The following TNKS1BP1 variants were observed in gnomAD, a reference collection of about 807,000 sequenced individuals.
The protein encoded by TNKS1BP1 is CCR4-NOT transcription complex subunit 12.
A neutral mutation model predicts 141.1 loss-of-function variants in TNKS1BP1; 48 were observed. The observed-to-expected ratio is 0.34, with a 90% confidence interval of 0.27 to 0.43. The LOEUF is 0.43. Among genes scored for constraint, TNKS1BP1 ranks in the 20% least tolerant of loss-of-function variants. The pLI is 1.00. For missense variants in TNKS1BP1, 2,149 were observed against 2,226.0 expected, an observed-to-expected ratio of 0.97 and a Z score of 0.70; for synonymous variants, 875 against 898.2, an observed-to-expected ratio of 0.97 and a Z score of 0.46.
chr11:57,319,246 C>A (rs965600694), intron 3 of TNKS1BP1, among the ~76,000 whole-genome samples: 2 of 152,112 alleles, frequency 1.3e-5, no homozygotes, highest in African/African-American at 4.8e-5. Flanking sequence ...ACACACGCAG[C>A]CCCACCCCAG....
At chr11:57,316,442 C>T (rs1331660667) in intron 4 of TNKS1BP1, among the ~76,000 whole-genome samples, 1 of 152,148 alleles carries the variant, frequency 6.6e-6, no homozygotes, top group East Asian at 1.9e-4. Flanking sequence ...ATCCGCTTGA[C>T]GTTTCCACAT....
intron 1 of TNKS1BP1, among the ~76,000 whole-genome samples, chr11:57,323,097 T>C (rs1391052742): frequency 1.3e-5 from 2 of 152,164 alleles, no homozygotes; most frequent in South Asian, 2.1e-4. Flanking sequence ...GTACATGAAA[T>C]AGGCTTAGCA....
chr11:57,311,699 A>T (rs538908383), intron 5 of TNKS1BP1, among the ~76,000 whole-genome samples: 185 of 152,252 alleles, frequency 1.2e-3, no homozygotes, highest in African/African-American at 3.8e-3. Flanking sequence ...CTTGAGAAAT[A>T]AATTTCGAAA....
intron 1 of TNKS1BP1, among the ~76,000 whole-genome samples, chr11:57,322,831 T>A (rs529576560): frequency 6.6e-6 from 1 of 152,116 alleles, no homozygotes; most frequent in East Asian, 1.9e-4. Context: ...CCACAGCCTA[T>A]GTATGAAAAG....
chr11:57,302,940 C>T lies in TNKS1BP1; in HGVS notation c.4317-115G>A, dbSNP rs1855550987. 5 of 1,297,700 alleles carry T rather than the reference C, an allele frequency of 3.9e-6. No homozygotes were observed. The highest frequency in any genetic ancestry group is 1.5e-5 in the African/African-American group (1 of 67,370). 80.4% of individuals were successfully genotyped at this position (1,297,700 alleles called of 1,614,324 possible). The stretch of plus-strand genomic sequence containing the variant: ...CCAAACTCTCCCTTGCCCTCCTTCC[C>T]ATGCTTTTTCCAGACTCCAAGGACA... On this transcript the variant is annotated intron_variant, in intron 6 of 11. Coordinates refer to ENST00000358252, the MANE Select transcript of TNKS1BP1 (RefSeq NM_033396.3). This position sits in a 1 kb window ranked among gnomAD's most constrained non-coding sequence, Gnocchi z 5.5.
At position 57,313,711 on chromosome 11, in the gene TNKS1BP1, G is replaced by A. The variant is rs576428746; in HGVS notation, c.977C>T (p.Ser326Phe). The A allele has an allele frequency of 3.1e-6, 5 of 1,589,124 alleles. No homozygotes were observed. In the Admixed American group the frequency reaches 7.2e-5, roughly 23 times the overall value. The change falls in exon 5 of 12, where the codon TCC becomes TTC. Residue 326 changes from serine (S) to phenylalanine (F), a missense_variant. Transcript: ENST00000358252. ...QLLEAQTPEA[S>F]QASPCPAVTP... is the part of the protein sequence containing the mutation. ...CACAGCGGGGCAGGGAGAAGCCTGG[G>A]AAGCTTCAGGAGTCTGGGCTTCCAG...
chr11:57,312,707 C>A lies in TNKS1BP1; in HGVS notation c.1981G>T (p.Ala661Ser). The change falls in exon 5 of 12, where the codon GCC (alanine) becomes TCC (serine). Residue 661 changes from alanine (A) to serine (S), a missense_variant. Ala to Ser is a moderately conservative substitution (Grantham distance 99). Coordinates refer to ENST00000358252, the MANE Select transcript of TNKS1BP1 (RefSeq NM_033396.3). ...VTLARAETTQ[A>S]RTEAQDLCRA... The stretch of plus-strand genomic sequence containing the variant: ...CACAAGTCTTGAGCCTCTGTCCTGG[C>A]TTGGGTGGTCTCAGCCCGGGCTAGG... The A allele has an allele frequency of 6.4e-7, 1 of 1,573,680 alleles. No individual in the cohort carries two copies.
At chr11:57,319,265 C>T (rs1240273823) in intron 3 of TNKS1BP1, among the ~76,000 whole-genome samples, 1 of 152,070 alleles carries the variant, frequency 6.6e-6, no homozygotes, top group Non-Finnish European at 1.5e-5. Context: ...AGGACTGGCA[C>T]ACTGCTCTGA....
chr11:57,303,636 C>G (rs1301425202), intron 6 of TNKS1BP1, among the ~76,000 whole-genome samples: 1 of 152,220 alleles, frequency 6.6e-6, no homozygotes, highest in Non-Finnish European at 1.5e-5. Context: ...CCCCCAGCAC[C>G]TGACCCAGAG....
At position 57,310,442 on chromosome 11, in the gene TNKS1BP1, C is replaced by T. The variant is rs374427616; in HGVS notation, c.2269G>A (p.Gly757Ser). 1.2e-5 allele frequency: 19 copies of T among 1,613,728 alleles called. No individual in the cohort carries two copies. Among genetic ancestry groups the T allele is most frequent in the African/African-American group, 9.3e-5 (7 of 74,906 alleles). The stretch of plus-strand genomic sequence containing the variant: ...CCTCTAGGGCTTGCACCCCCAAGGC[C>T]ATAGTCCTGAGAAGCACCTTGACAC... ...SWCQGASQDY[G>S]LGGASPRGDP... is the part of the protein sequence containing the mutation. The change falls in exon 6 of 12, where the codon GGC (glycine) becomes AGC (serine). Residue 757 changes from glycine to serine, a missense_variant. Coordinates refer to ENST00000358252, the MANE Select transcript of TNKS1BP1 (RefSeq NM_033396.3).
Position 57,312,560 on chromosome 11 carries a change from T to A in TNKS1BP1, c.2128A>T (p.Thr710Ser). The stretch of plus-strand genomic sequence containing the variant: ...TCAGAGCAGGTACTTGGGGACTGTG[T>A]GTCCTTCAGCTCAGCTCCAGCTCCC... ...RRGAGAELKD[T>S]QSPSTCSEGL... The change falls in exon 5 of 12, where the codon ACA (threonine) becomes TCA (serine). Residue 710 changes from threonine (T) to serine (S), a missense_variant. Thr to Ser is a moderately conservative substitution (Grantham distance 58). Transcript: ENST00000358252. 6.6e-7 allele frequency: 1 copy of A among 1,504,250 alleles called. No individual in the cohort carries two copies. Among genetic ancestry groups the A allele is most frequent in the Non-Finnish European group, 8.9e-7 (1 of 1,126,092 alleles). The allele number at this position is 1,504,250 out of a possible 1,614,324, so 93.2% of individuals were successfully genotyped here.
At position 57,320,293 on chromosome 11, in the gene TNKS1BP1, G is replaced by A. The variant is rs563320098; in HGVS notation, c.514C>T (p.Arg172Trp). 33 of 1,614,178 alleles carry A rather than the reference G, an allele frequency of 2.0e-5. No homozygotes were observed. The highest frequency in any genetic ancestry group is 3.3e-4 in the Middle Eastern group (2 of 6,062). ...TCGGGGCTGGCAAGGACCTCCTTCC[G>A]AGGCTGCTCCATCTTGGCCAGGATC... Reference protein sequence around the residue: ...EEILAKMEQPRKEVLASPDRL... With the variant: ...EEILAKMEQPWKEVLASPDRL... Residue 172 changes from arginine to tryptophan, a missense_variant, in exon 3 of 12, where the codon CGG becomes TGG. Physicochemically the swap from Arg to Trp is moderately radical, Grantham distance 101. Transcript: ENST00000358252.
rs755058752 is a variant in TNKS1BP1 at position 57,308,423 on chromosome 11, T to G, written c.4288A>C (p.Thr1430Pro). 1 of 1,614,030 alleles carries G rather than the reference T, an allele frequency of 6.2e-7. No individual in the cohort carries two copies. The stretch of plus-strand genomic sequence containing the variant: ...GCTCCGAAGCTGAGGGCTTCTCCTG[T>G]CTCCATTCCAGGGTCTGCAGGGTGT... ...EPHPADPGME[T>P]GEALSFGASP... Residue 1430 changes from threonine to proline, a missense_variant, in exon 6 of 12, where the codon ACA becomes CCA. Coordinates refer to ENST00000358252, the MANE Select transcript of TNKS1BP1 (RefSeq NM_033396.3).
At chr11:57,318,616 A>G (rs1305564195) in intron 3 of TNKS1BP1, among the ~76,000 whole-genome samples, 1 of 152,252 alleles carries the variant, frequency 6.6e-6, no homozygotes, top group Non-Finnish European at 1.5e-5. Context: ...TAAAGGCCCA[A>G]GGAGCCAGCC....
rs199971083 is a variant in TNKS1BP1, at chr11:57,309,450, G to A, written c.3261C>T (p.Val1087=). ...GGCCAACACTGAGGCTAAACTCACC[G>A]ACCCAGCCTCGCTTTCCCATCTCCC... ...EDGEMGKRGW[V]GEFSLSVGPQ... The change falls in exon 6 of 12, where the codon GTC becomes GTT. Residue 1087 remains valine, a synonymous_variant. Coordinates refer to ENST00000358252, the MANE Select transcript of TNKS1BP1 (RefSeq NM_033396.3). The surrounding 1 kb of genome is among the most constrained non-coding windows in gnomAD (Gnocchi z 4.3). 2.5e-4 allele frequency: 407 copies of A among 1,614,036 alleles called. 3 individuals are homozygous for A. In the East Asian group the frequency reaches 7.1e-3, roughly 28 times the overall value.
chr11:57,310,529 G>A lies in TNKS1BP1; in HGVS notation c.2182C>T (p.Leu728=). Residue 728 remains leucine (L), a synonymous_variant, in exon 6 of 12, where the codon CTG becomes TTG. Transcript: ENST00000358252. The stretch of plus-strand genomic sequence containing the variant: ...CCTGTGATCCCAAATTCACTCTGCA[G>A]ATCTTTCTGGGACCAGCCAAGGAGT... ...EGLLGWSQKD[L]QSEFGITGDP... 1 of 1,605,154 alleles carries A rather than the reference G, an allele frequency of 6.2e-7. No homozygotes were observed.
At position 57,308,645 on chromosome 11, in the gene TNKS1BP1, A is replaced by G. The variant is rs144016222; in HGVS notation, c.4066T>C (p.Phe1356Leu). Residue 1356 changes from phenylalanine (F) to leucine (L), a missense_variant, in exon 6 of 12, where the codon TTT (phenylalanine) becomes CTT (leucine). Transcript: ENST00000358252. ...TCCCTGGCTTCACTTGGAGCCCCAA[A>G]GAGCTCCACATTCTGGGGCGCCAAG... ...QDLAPQNVEL[F>L]GAPSEAREHG... 1 of 1,613,278 alleles carries G rather than the reference A, an allele frequency of 6.2e-7. No individual in the cohort carries two copies. The highest frequency in any genetic ancestry group is 8.5e-7 in the Non-Finnish European group (1 of 1,180,002).
chr11:57,313,453 GCCT>G lies in TNKS1BP1; in HGVS notation c.1232_1234del (p.Glu411del), dbSNP rs764417524. On this transcript the variant is annotated inframe_deletion, in exon 5 of 12. Transcript: ENST00000358252. Reference sequence around the variant, plus strand: ...GGGGCGGAGGTGTGCGTCACCCTTGGCCTCCTCCTCCCCGCCAGATGGAAACGT... The same window carrying G: ...GGGGCGGAGGTGTGCGTCACCCTTGGCCTCCTCCCCGCCAGATGGAAACGT... The G allele has an allele frequency of 2.4e-4, 378 of 1,600,754 alleles. 4 individuals carry two copies. In the Admixed American group the frequency reaches 6.3e-3, roughly 27 times the overall value.
In TNKS1BP1 at chr11:57,309,422, G is replaced by A; in HGVS notation, c.3289C>T (p.Gln1097Ter). The A allele has an allele frequency of 1.2e-6, 2 of 1,613,946 alleles. No homozygotes were observed. Among genetic ancestry groups the A allele is most frequent in the Non-Finnish European group, 1.7e-6 (2 of 1,179,934 alleles). The part of the protein sequence containing the change: ...VGEFSLSVGP[Q>*]REAAFSPGQQ... ...CCTGGGCTAAATGCTGCCTCTCGCT[G>A]GGGGCCAACACTGAGGCTAAACTCA... Residue 1097 changes from glutamine to a stop codon, truncating the protein, a stop_gained, in exon 6 of 12, where the codon CAG (glutamine) becomes TAG (stop). Transcript: ENST00000358252. LOFTEE classifies it high-confidence loss of function. This position sits in a 1 kb window ranked among gnomAD's most constrained non-coding sequence, Gnocchi z 4.3.
Sources: gnomAD v4.1 joint callset for allele counts (sites outside exome capture counted in the v4.1 genomes callset) on GRCh38, gnomAD v4.1.1 for gene constraint, Gnocchi (gnomAD v3.1) non-coding constraint, MANE v1.5 for transcripts, NCBI Gene and HGNC (gene_info 2026-07-23, HGNC 2026-07-21) for gene names.